The following CDYL2 variants were observed in gnomAD, a reference collection of about 807,000 sequenced individuals.
CDYL2 encodes chromodomain Y-like protein 2.
A neutral mutation model predicts 49.4 loss-of-function variants in CDYL2; 23 were observed. The observed-to-expected ratio is 0.47, with a 90% CI of 0.34 to 0.66. CDYL2 has a LOEUF of 0.66. Among genes scored for constraint, CDYL2 ranks in the 30% least tolerant of loss-of-function variants. The probability of loss-of-function intolerance (pLI) is 0.01; values close to 1 mark genes in which losing one functional copy is unlikely to be tolerated. For synonymous variants in CDYL2, 360 were observed against 268.8 expected (o/e 1.34, Z -3.32); for missense variants, 678 against 656.4 (o/e 1.03, Z -0.36).
At position 80,598,456 on chromosome 16, in the gene CDYL2, GGAGA is replaced by G. The variant is rs1905934109; in HGVS notation, c.*5928_*5931del. 6.6e-6 allele frequency: 1 copy of G among 152,082 alleles called. No individual in the cohort carries two copies. Among genetic ancestry groups the G allele is most frequent in the African/African-American group, 2.4e-5 (1 of 41,426 alleles). The allele number at this position is 152,082 out of a possible 1,614,324, so 9.4% of individuals were successfully genotyped here. A position where few individuals can be genotyped will look rare whatever the true frequency, so the allele number is the denominator to read the frequency against. ...CAATGATTCCATCATGAATGAGAAT[GGAGA>G]GAGAACTGAAGACAATTCTTCTCAC... is the stretch of plus-strand genomic sequence containing the variant. On this transcript the variant is annotated 3_prime_UTR_variant, in exon 7 of 7. Coordinates refer to ENST00000570137, the MANE Select transcript of CDYL2 (RefSeq NM_152342.4).
At chr16:80,621,045 G>A (rs1307821875) in intron 3 of CDYL2, 110 bp from the exon 4 acceptor site, 8 of 1,256,554 alleles carry the variant, frequency 6.4e-6, no homozygotes, top group African/African-American at 1.5e-5. Flanking sequence ...AGAGGCCAGG[G>A]AATCTGCTTC....
chr16:80,643,143 G>A (rs1324715603), intron 2 of CDYL2, among the ~76,000 whole-genome samples: 1 of 152,120 alleles, frequency 6.6e-6, no homozygotes, highest in Non-Finnish European at 1.5e-5. Context: ...TTCCAAATGG[G>A]AGAAATTGGC....
intron 1 of CDYL2, among the ~76,000 whole-genome samples, chr16:80,747,398 T>C (rs897135033): frequency 1.3e-5 from 2 of 152,104 alleles, no homozygotes; most frequent in Admixed American, 6.5e-5. Flanking sequence ...CTATACCTCA[T>C]AGGGTTAGGG....
At chr16:80,752,999 C>T (rs1391953448) in intron 1 of CDYL2, among the ~76,000 whole-genome samples, 1 of 151,992 alleles carries the variant, frequency 6.6e-6, no homozygotes, top group African/African-American at 2.4e-5. Context: ...ATTTGTTGTG[C>T]TAAATAATTA....
intron 1 of CDYL2, among the ~76,000 whole-genome samples, chr16:80,784,471 C>T (rs1353164241): frequency 3.9e-5 from 6 of 151,900 alleles, no homozygotes; most frequent in Admixed American, 6.6e-5. Context: ...GCTGATGAAC[C>T]GAGAATTCTT....
chr16:80,664,238 G>A (rs1909167534), intron 2 of CDYL2, among the ~76,000 whole-genome samples: 1 of 152,152 alleles, frequency 6.6e-6, no homozygotes, highest in South Asian at 2.1e-4. Context: ...ACTGTCTGAG[G>A]TTCTCCGAAA....
At chr16:80,762,973 G>A (rs962362234) in intron 1 of CDYL2, among the ~76,000 whole-genome samples, 2 of 152,144 alleles carry the variant, frequency 1.3e-5, no homozygotes, top group African/African-American at 2.4e-5. Flanking sequence ...TGTCTTTAAA[G>A]AGAAACACAC....
At chr16:80,606,612 C>A (rs1189383035) in intron 6 of CDYL2, among the ~76,000 whole-genome samples, 2 of 152,166 alleles carry the variant, frequency 1.3e-5, no homozygotes, top group Non-Finnish European at 2.9e-5. Context: ...TGAAGCTAAC[C>A]CCAGGGTGAT....
chr16:80,623,396 A>T (rs1036752113), intron 3 of CDYL2, among the ~76,000 whole-genome samples: 5 of 152,090 alleles, frequency 3.3e-5, no homozygotes, highest in African/African-American at 1.2e-4. Context: ...AGTGCAGTGC[A>T]TGGCACATAC....
chr16:80,747,200 A>G (rs981006034), intron 1 of CDYL2, among the ~76,000 whole-genome samples: 1 of 152,208 alleles, frequency 6.6e-6, no homozygotes, highest in African/African-American at 2.4e-5. Flanking sequence ...AAAATTAGGG[A>G]AAGGCCCACC....
chr16:80,643,568 G>A (rs774214305), intron 2 of CDYL2, among the ~76,000 whole-genome samples: 14 of 152,350 alleles, frequency 9.2e-5, no homozygotes, highest in South Asian at 2.1e-4. Context: ...GCAAACCTGC[G>A]TGGGTATCCA....
intron 1 of CDYL2, among the ~76,000 whole-genome samples, chr16:80,703,532 C>T (rs1424956005): frequency 6.6e-6 from 1 of 152,152 alleles, no homozygotes; most frequent in Non-Finnish European, 1.5e-5. Context: ...TGAGTCAATG[C>T]CCACCCAGCC....
At chr16:80,707,981 G>A (rs895717722) in intron 1 of CDYL2, among the ~76,000 whole-genome samples, 7 of 152,048 alleles carry the variant, frequency 4.6e-5, no homozygotes, top group African/African-American at 1.7e-4. Context: ...CAGAAAGAAA[G>A]GCAGGATGCT....
intron 1 of CDYL2, among the ~76,000 whole-genome samples, chr16:80,734,287 T>C (rs6564789): frequency 0.35 from 53,630 of 152,110 alleles, 9,808 homozygotes; most frequent in East Asian, 0.59. Flanking sequence ...GTTAGAACCA[T>C]GGTAGCCACG....
intron 1 of CDYL2, among the ~76,000 whole-genome samples, chr16:80,725,694 C>G (rs1203759289): frequency 6.6e-6 from 1 of 152,178 alleles, no homozygotes; most frequent in Non-Finnish European, 1.5e-5. Flanking sequence ...AAACCCTAAC[C>G]CGGACTGAAC....
chr16:80,715,222 C>A (rs980674672), intron 1 of CDYL2, among the ~76,000 whole-genome samples: 21 of 152,108 alleles, frequency 1.4e-4, no homozygotes, highest in Non-Finnish European at 2.8e-4. Flanking sequence ...GGCTCAGGCA[C>A]TGACGTGGGC....
chr16:80,738,813 T>C (rs1398354018), intron 1 of CDYL2: 2 of 152,196 alleles, frequency 1.3e-5, no homozygotes, highest in South Asian at 2.1e-4. Flanking sequence ...TTTGGGCAAA[T>C]TATTTAACTT....
chr16:80,718,749 A>G (rs1904897660), intron 1 of CDYL2, among the ~76,000 whole-genome samples: 1 of 152,204 alleles, frequency 6.6e-6, no homozygotes, highest in Admixed American at 6.5e-5. Context: ...AGAACCCAGA[A>G]CAATGGGCCA....
At chr16:80,647,221 C>T (rs975909519) in intron 2 of CDYL2, among the ~76,000 whole-genome samples, 2 of 152,086 alleles carry the variant, frequency 1.3e-5, no homozygotes, top group African/African-American at 2.4e-5. Flanking sequence ...ATGCCAAAAA[C>T]TGGAAAGATA....
Sources: allele counts gnomAD v4.1 joint callset (sites outside exome capture counted in the v4.1 genomes callset), GRCh38; gene constraint gnomAD v4.1.1; transcripts MANE v1.5; gene names NCBI Gene and HGNC (gene_info 2026-07-23, HGNC 2026-07-21).